TRAPPC9: variants seen among roughly 807,000 people sequenced by gnomAD.
TRAPPC9 encodes IKK2 binding protein.
A neutral mutation model predicts 124.0 loss-of-function variants in TRAPPC9; 83 were observed. That is an observed-to-expected ratio of 0.67 (90% confidence interval 0.56 to 0.80). TRAPPC9 has a LOEUF of 0.80. TRAPPC9 is among the 30% of genes least tolerant of loss of function. The pLI, the probability that TRAPPC9 is intolerant of heterozygous loss-of-function variation, is 0.00. For synonymous variants in TRAPPC9, 638 were observed against 617.5 expected, an observed-to-expected ratio of 1.03 and a Z score of -0.49; for missense variants, 1,302 against 1,508.3, an observed-to-expected ratio of 0.86 and a Z score of 2.27.
chr8:139,910,451 T>C (rs1034578492), intron 19 of TRAPPC9, 151 bp from the exon 20 acceptor site: 6 of 894,276 alleles, frequency 6.7e-6, no homozygotes, highest in East Asian at 2.6e-5. Context: ...AATGAAATAA[T>C]AGACTCCTAA....
chr8:140,237,101 A>G (rs944712938), intron 16 of TRAPPC9, among the ~76,000 whole-genome samples: 3 of 152,112 alleles, frequency 2.0e-5, no homozygotes, highest in Non-Finnish European at 4.4e-5. Context: ...GAATCACTTG[A>G]GCCTGGGAGG....
At chr8:139,803,217 A>G (rs1823680119) in intron 21 of TRAPPC9, among the ~76,000 whole-genome samples, 1 of 152,152 alleles carries the variant, frequency 6.6e-6, no homozygotes, top group South Asian at 2.1e-4. Context: ...TGTGTATGTG[A>G]AGGTGTATGT....
At chr8:140,312,638 C>T (rs1052085274) in intron 9 of TRAPPC9, among the ~76,000 whole-genome samples, 2 of 152,082 alleles carry the variant, frequency 1.3e-5, no homozygotes, top group Non-Finnish European at 1.5e-5. Flanking sequence ...TCCACTGAGG[C>T]TGGTGACCAT....
intron 17 of TRAPPC9, among the ~76,000 whole-genome samples, chr8:140,125,356 C>T (rs1050684002): frequency 3.3e-5 from 5 of 152,160 alleles, no homozygotes; most frequent in Non-Finnish European, 4.4e-5. Flanking sequence ...CAGGAAGCAT[C>T]GACGAGAACC....
At chr8:139,956,738 C>T (rs1051957422) in intron 19 of TRAPPC9, among the ~76,000 whole-genome samples, 9 of 152,302 alleles carry the variant, frequency 5.9e-5, no homozygotes, top group African/African-American at 1.7e-4. Context: ...CCCGGCTCCG[C>T]GTAGACTCGT....
chr8:140,373,216 A>C (rs946089065), intron 7 of TRAPPC9, among the ~76,000 whole-genome samples: 3 of 152,240 alleles, frequency 2.0e-5, no homozygotes, highest in African/African-American at 7.2e-5. Context: ...CCCCTGGCTT[A>C]GAATCAGTGG....
At chr8:140,358,503 G>A (rs1036923531) in intron 9 of TRAPPC9, among the ~76,000 whole-genome samples, 3 of 152,168 alleles carry the variant, frequency 2.0e-5, no homozygotes, top group South Asian at 2.1e-4. Flanking sequence ...TACCACATCC[G>A]GCCAGAATTA....
At chr8:140,373,686 A>G (rs996111907) in intron 7 of TRAPPC9, among the ~76,000 whole-genome samples, 3 of 152,156 alleles carry the variant, frequency 2.0e-5, no homozygotes, top group African/African-American at 7.2e-5. Flanking sequence ...GCATATGAGG[A>G]TATCACCTGC....
At chr8:140,077,690 A>G (rs1380606742) in intron 17 of TRAPPC9, among the ~76,000 whole-genome samples, 1 of 152,178 alleles carries the variant, frequency 6.6e-6, no homozygotes, top group Non-Finnish European at 1.5e-5. Context: ...CACTGTGGAC[A>G]TCAGGAGTCG....
intron 14 of TRAPPC9, among the ~76,000 whole-genome samples, chr8:140,278,106 A>C (rs1431826791): frequency 7.5e-6 from 1 of 133,032 alleles, no homozygotes; most frequent in Non-Finnish European, 1.6e-5. Context: ...CAAGACAGGG[A>C]CAAATTTTTT....
intron 19 of TRAPPC9, among the ~76,000 whole-genome samples, chr8:139,965,048 A>G (rs1219877025): frequency 4.6e-5 from 7 of 152,178 alleles, no homozygotes; most frequent in Non-Finnish European, 1.0e-4. Flanking sequence ...ATTCCAAGTC[A>G]GCCCAGGCTG....
rs746087267 is a variant in TRAPPC9 at position 139,776,634 on chromosome 8, C to T, written c.3056-44432G>A. ...CTCGGAGCCTCTGGAGCTTTGGTCC[C>T]GTCATCTGCCTGTGTGCACGTGTGT... On this transcript the variant is annotated intron_variant, in intron 21 of 22. Transcript: ENST00000438773. This position sits in a 1 kb window ranked among gnomAD's most constrained non-coding sequence, Gnocchi z 4.1. 2.0e-4 allele frequency among the ~76,000 whole-genome samples: 30 copies of T among 152,072 alleles called. No homozygotes were observed. The highest frequency in any genetic ancestry group is 3.8e-4 in the Non-Finnish European group (26 of 68,006).
At chr8:139,748,348 G>A (rs113862466) in intron 21 of TRAPPC9, among the ~76,000 whole-genome samples, 5 of 112,320 alleles carry the variant, frequency 4.5e-5, no homozygotes, top group African/African-American at 2.0e-4. Context: ...GATGCAGGGG[G>A]TACACACAGC....
chr8:140,266,564 A>AAT (rs1554654326), intron 15 of TRAPPC9, among the ~76,000 whole-genome samples: 1 of 151,418 alleles, frequency 6.6e-6, no homozygotes, highest in African/African-American at 2.4e-5. Flanking sequence ...GTGGGTTATA[A>AAT]ACTCATCTCT....
intron 15 of TRAPPC9, among the ~76,000 whole-genome samples, 169 bp downstream of exon 15, chr8:140,275,489 G>C (rs1015407168): frequency 2.0e-5 from 3 of 152,160 alleles, no homozygotes; most frequent in African/African-American, 7.2e-5. Flanking sequence ...CCTCCCCAAG[G>C]CTCCTGCACT....
intron 7 of TRAPPC9, among the ~76,000 whole-genome samples, chr8:140,386,555 T>G (rs576394348): frequency 0.014 from 2,195 of 152,148 alleles, 50 homozygotes; most frequent in African/African-American, 0.039. Context: ...ATGAGTGAAC[T>G]CCCATTCACA....
At chr8:139,909,034 G>A (rs1831539086) in intron 20 of TRAPPC9, among the ~76,000 whole-genome samples, 1 of 152,182 alleles carries the variant, frequency 6.6e-6, no homozygotes, top group Non-Finnish European at 1.5e-5. Context: ...AGTCTGCCAG[G>A]CTCAAAGTCC....
chr8:140,041,079 G>A (rs1410493240), intron 17 of TRAPPC9: 2 of 152,198 alleles, frequency 1.3e-5, no homozygotes, highest in South Asian at 2.1e-4. Context: ...AGAATGACCA[G>A]GCCCAACATC....
intron 10 of TRAPPC9, among the ~76,000 whole-genome samples, chr8:140,303,437 T>C (rs1157315853): frequency 6.6e-6 from 1 of 152,246 alleles, no homozygotes; most frequent in Non-Finnish European, 1.5e-5. Context: ...TAGACTACTG[T>C]TGGCTACTGT....
Sources: gnomAD v4.1 joint callset for allele counts (sites outside exome capture counted in the v4.1 genomes callset) on GRCh38, gnomAD v4.1.1 for gene constraint, Gnocchi (gnomAD v3.1) non-coding constraint, MANE v1.5 for transcripts, NCBI Gene and HGNC (gene_info 2026-07-23, HGNC 2026-07-21) for gene names.